Variants in PRMT1 observed in about 807,000 individuals in gnomAD.
PRMT1 encodes the protein protein arginine methyltransferase 1.
In PRMT1, 5 loss-of-function variants were observed where a neutral mutation model predicts 47.4. That is an observed-to-expected ratio of 0.11 (90% CI 0.06 to 0.22). The LOEUF is 0.22. Ranked by LOEUF, PRMT1 falls within the 10% of genes least tolerant of loss-of-function variation. The pLI is 1.00. For synonymous variants in PRMT1, 227 were observed against 204.6 expected (o/e 1.11, Z -0.94); for missense variants, 249 against 518.4 (o/e 0.48, Z 5.05).
chr19:49,677,431 C>T lies in PRMT1; in HGVS notation c.36+115C>T. 4.6e-6 allele frequency: 4 copies of T among 864,752 alleles called. No individual in the cohort carries two copies. In the South Asian group the frequency reaches 1.0e-4, roughly 22 times the overall value. The allele number at this position is 864,752 out of a possible 1,614,324, so 53.6% of individuals were successfully genotyped here. The stretch of plus-strand genomic sequence containing the variant: ...ATATGGGGTTGGAGGTCCCCCGCCG[C>T]ACACGGGGGCGCCGCACGTTCCACA... On this transcript the variant is annotated intron_variant, in intron 1 of 10. Coordinates refer to ENST00000454376, the MANE Select transcript of PRMT1 (RefSeq NM_001536.6).
In PRMT1 at chr19:49,681,747, A is replaced by G. The variant is rs1317180034; in HGVS notation, c.193-163A>G. On this transcript the variant is annotated intron_variant, in intron 3 of 10. Coordinates refer to ENST00000454376, the MANE Select transcript of PRMT1 (RefSeq NM_001536.6). The surrounding 1 kb of genome is among the most constrained non-coding windows in gnomAD (Gnocchi z 4.4). ...AGTGAGATTCCATCTCAAAAAATAA[A>G]ATAAAATAAAAATAAATAAATGAAT... 6.6e-6 allele frequency among the ~76,000 whole-genome samples: 1 copy of G among 152,118 alleles called. No homozygotes were observed. Among genetic ancestry groups the G allele is most frequent in the Non-Finnish European group, 1.5e-5 (1 of 68,028 alleles).
Position 49,680,216 on chromosome 19 carries a change from G to A in PRMT1, c.91-271G>A, listed in dbSNP as rs2082096098. The A allele has an allele frequency of 1.9e-6, 3 of 1,598,276 alleles. No individual in the cohort carries two copies. The East Asian group carries it at 6.8e-5, about 36-fold the overall frequency. On this transcript the variant is annotated intron_variant, in intron 2 of 10. Transcript: ENST00000454376. This position sits in a 1 kb window ranked among gnomAD's most constrained non-coding sequence, Gnocchi z 4.2. Reference sequence around the variant, plus strand: ...CCAGCTGTGGGCTGAGCTAGAGACGGGGTCAGAGAGACTGGAGAGATGGTA... The same window carrying A: ...CCAGCTGTGGGCTGAGCTAGAGACGAGGTCAGAGAGACTGGAGAGATGGTA...
At position 49,684,622 on chromosome 19, in the gene PRMT1, A is replaced by AG; in HGVS notation, c.556-127dup. 1 of 1,060,502 alleles carries AG rather than the reference A, an allele frequency of 9.4e-7. No homozygotes were observed. Among genetic ancestry groups the AG allele is most frequent in the Non-Finnish European group, 1.4e-6 (1 of 730,136 alleles). The allele number at this position is 1,060,502 out of a possible 1,614,324, so 65.7% of individuals were successfully genotyped here. ...CTGGCGGCCGTGTGGGAAATAGACC[A>AG]GGGGGCGAGGGGTGAGTGCCGCTGC... On this transcript the variant is annotated intron_variant, in intron 6 of 10. Transcript: ENST00000454376. This position sits in a 1 kb window ranked among gnomAD's most constrained non-coding sequence, Gnocchi z 6.2.
Position 49,685,204 on chromosome 19 carries a change from T to A in PRMT1, c.759+167T>A. On this transcript the variant is annotated intron_variant, in intron 8 of 10. Coordinates refer to ENST00000454376, the MANE Select transcript of PRMT1 (RefSeq NM_001536.6). This position sits in a 1 kb window ranked among gnomAD's most constrained non-coding sequence, Gnocchi z 4.7. ...GGCCCAGGAAAGACACTTCGTCCTT[T>A]AAATATCTTTGTGAGCGCTGCTGTG... The A allele has an allele frequency of 6.5e-7, 1 of 1,533,124 alleles. No homozygotes were observed. Among genetic ancestry groups the A allele is most frequent in the Non-Finnish European group, 8.7e-7 (1 of 1,144,184 alleles). 95.0% of individuals were successfully genotyped at this position (1,533,124 alleles called of 1,614,324 possible). A position where few individuals can be genotyped will look rare whatever the true frequency, so the allele number is the denominator to read the frequency against.
At chr19:49,679,640 C>T (rs1231363103) in intron 1 of PRMT1, 1 of 696,242 alleles carries the variant, frequency 1.4e-6, no homozygotes, top group East Asian at 2.7e-5. Flanking sequence ...TGGGGGTGGG[C>T]CACCATCTCT....
chr19:49,686,451 C>T (rs1038335520), intron 9 of PRMT1, among the ~76,000 whole-genome samples, 154 bp from the exon 10 acceptor site: 2 of 150,296 alleles, frequency 1.3e-5, no homozygotes, highest in African/African-American at 2.4e-5. Flanking sequence ...AAGGCTGACA[C>T]GGTCCCTGTC....
chr19:49,688,307 T>A lies in PRMT1; in HGVS notation c.*62T>A. The A allele has an allele frequency of 6.6e-7, 1 of 1,511,098 alleles. No homozygotes were observed. The highest frequency in any genetic ancestry group is 9.2e-7 in the Non-Finnish European group (1 of 1,091,894). 93.6% of individuals were successfully genotyped at this position (1,511,098 alleles called of 1,614,324 possible). A position where few individuals can be genotyped will look rare whatever the true frequency, so the allele number is the denominator to read the frequency against. ...GAGCGTTCCTAGGCGGTTTCGGGGCTCCCCCTTCCTCTCCCTCCCTCCCGC... is the reference window on the plus strand; with the variant it reads ...GAGCGTTCCTAGGCGGTTTCGGGGCACCCCCTTCCTCTCCCTCCCTCCCGC... On this transcript the variant is annotated 3_prime_UTR_variant, in exon 11 of 11. Coordinates refer to ENST00000454376, the MANE Select transcript of PRMT1 (RefSeq NM_001536.6). This position sits in a 1 kb window ranked among gnomAD's most constrained non-coding sequence, Gnocchi z 5.3.
Position 49,686,230 on chromosome 19 carries a change from C to T in PRMT1, c.897C>T (p.Thr299=), listed in dbSNP as rs188991153. The T allele has an allele frequency of 8.4e-5, 134 of 1,604,178 alleles. 1 individual carries two copies. The Middle Eastern group carries it at 1.5e-3, about 18-fold the overall frequency. Residue 299 remains threonine, a synonymous_variant, in exon 9 of 11, where the codon ACC becomes ACT. Transcript: ENST00000454376. ...AGTTCACACGCTGCCACAAGAGGAC[C>T]GGCTTCTCCACCAGTGAGGCGGGGC... is the stretch of plus-strand genomic sequence containing the variant. ...NIEFTRCHKR[T]GFSTSPESPY...
intron 4 of PRMT1, 64 bp downstream of exon 4, chr19:49,682,129 C>G (rs1480944794): frequency 1.2e-6 from 2 of 1,613,798 alleles, no homozygotes; most frequent in East Asian, 4.5e-5. Flanking sequence ...CATCAGGGCT[C>G]AGGGATTGGA....
intron 5 of PRMT1, among the ~76,000 whole-genome samples, chr19:49,683,007 C>T (rs1004647346): frequency 5.9e-5 from 9 of 151,726 alleles, no homozygotes; most frequent in Non-Finnish European, 1.0e-4. Context: ...AGGATGGTCT[C>T]GATCTCCTGA....
chr19:49,680,096 G>C lies in PRMT1; in HGVS notation c.90+171G>C, dbSNP rs773486831. On this transcript the variant is annotated intron_variant, in intron 2 of 10. Coordinates refer to ENST00000454376, the MANE Select transcript of PRMT1 (RefSeq NM_001536.6). The surrounding 1 kb of genome is among the most constrained non-coding windows in gnomAD (Gnocchi z 4.2). ...CCCTCCAGGTTCACAGCCCCCGCTG[G>C]CCTCCCCCAGTATCGCCGCTACTTC... 3 of 1,083,996 alleles carry C rather than the reference G, an allele frequency of 2.8e-6. No individual in the cohort carries two copies. The highest frequency in any genetic ancestry group is 4.1e-6 in the Non-Finnish European group (3 of 727,696). The allele number at this position is 1,083,996 out of a possible 1,614,324, so 67.1% of individuals were successfully genotyped here.
rs1183026931 is a variant in PRMT1 at position 49,685,335 on chromosome 19, G to A, written c.759+298G>A. On this transcript the variant is annotated intron_variant, in intron 8 of 10. Coordinates refer to ENST00000454376, the MANE Select transcript of PRMT1 (RefSeq NM_001536.6). This position sits in a 1 kb window ranked among gnomAD's most constrained non-coding sequence, Gnocchi z 4.7. ...AAGGCAGGACCCCAGGGCGATGAGC[G>A]GATGCACATGCACGCGGGCCACTGC... 8 of 1,324,024 alleles carry A rather than the reference G, an allele frequency of 6.0e-6. No homozygotes were observed. Among genetic ancestry groups the A allele is most frequent in the Non-Finnish European group, 7.8e-6 (8 of 1,028,296 alleles). The allele number at this position is 1,324,024 out of a possible 1,614,324, so 82.0% of individuals were successfully genotyped here. A position where few individuals can be genotyped will look rare whatever the true frequency, so the allele number is the denominator to read the frequency against.
intron 5 of PRMT1, 129 bp downstream of exon 5, chr19:49,682,388 G>A (rs2082132234): frequency 3.0e-6 from 3 of 995,930 alleles, no homozygotes; most frequent in Non-Finnish European, 3.0e-6. Context: ...ATGGTCTTTT[G>A]GGCTGCCGGC....
At chr19:49,679,008 T>C (rs894211300) in intron 1 of PRMT1, among the ~76,000 whole-genome samples, 8 of 151,716 alleles carry the variant, frequency 5.3e-5, no homozygotes, top group Non-Finnish European at 1.0e-4. Context: ...TTCAGCCTCC[T>C]GAGTAGCTGG....
chr19:49,678,950 C>G (rs1042618630), intron 1 of PRMT1, among the ~76,000 whole-genome samples: 7 of 146,518 alleles, frequency 4.8e-5, no homozygotes, highest in African/African-American at 1.8e-4. Flanking sequence ...ATGGCTTGAT[C>G]TCGGCTCATT....
chr19:49,680,988 C>T lies in PRMT1; in HGVS notation c.192+400C>T, dbSNP rs1309018193. 6.6e-6 allele frequency among the ~76,000 whole-genome samples: 1 copy of T among 152,252 alleles called. No homozygotes were observed. Among genetic ancestry groups the T allele is most frequent in the Non-Finnish European group, 1.5e-5 (1 of 68,044 alleles). ...CCCAGAACGAAGCTGGGGTGGCATT[C>T]TAAGGAATTTTCTTTTCCCCCTGAG... On this transcript the variant is annotated intron_variant, in intron 3 of 10. Coordinates refer to ENST00000454376, the MANE Select transcript of PRMT1 (RefSeq NM_001536.6). The surrounding 1 kb of genome is among the most constrained non-coding windows in gnomAD (Gnocchi z 4.2).
rs1434783892 is a variant in PRMT1 at position 49,684,956 on chromosome 19, C to T, written c.678C>T (p.Cys226=). 6.2e-7 allele frequency: 1 copy of T among 1,603,004 alleles called. No individual in the cohort carries two copies. Among genetic ancestry groups the T allele is most frequent in the Non-Finnish European group, 8.5e-7 (1 of 1,172,766 alleles). ...ACGTGTATGGCTTCGACATGTCTTG[C>T]ATCAAAGATGTGGCCATTAAGGAGC... ...WENVYGFDMS[C]IKDVAIKEPL... The change falls in exon 8 of 11, where the codon TGC becomes TGT. Residue 226 remains cysteine (C), a synonymous_variant. Transcript: ENST00000454376. The surrounding 1 kb of genome is among the most constrained non-coding windows in gnomAD (Gnocchi z 6.2).
Position 49,681,321 on chromosome 19 carries a change from T to C in PRMT1, c.193-589T>C, listed in dbSNP as rs1007099337. Among the ~76,000 whole-genome samples the C allele has an allele frequency of 4.6e-5, 7 of 151,966 alleles. No homozygotes were observed. Among genetic ancestry groups the C allele is most frequent in the African/African-American group, 1.7e-4 (7 of 41,398 alleles). ...GCTTTGGCCTCCTGAGGTGCTGGGA[T>C]TACAGGCGTGAGCCACCGCTCCCAG... is the stretch of plus-strand genomic sequence containing the variant. On this transcript the variant is annotated intron_variant, in intron 3 of 10. Coordinates refer to ENST00000454376, the MANE Select transcript of PRMT1 (RefSeq NM_001536.6). This position sits in a 1 kb window ranked among gnomAD's most constrained non-coding sequence, Gnocchi z 4.4.
intron 5 of PRMT1, among the ~76,000 whole-genome samples, chr19:49,683,426 C>G (rs907690536): frequency 6.6e-6 from 1 of 151,936 alleles, no homozygotes; most frequent in Admixed American, 6.6e-5. Flanking sequence ...CAGTGGCTCA[C>G]GCCTGTAATC....
Sources: allele counts gnomAD v4.1 joint callset (sites outside exome capture counted in the v4.1 genomes callset), GRCh38; gene constraint gnomAD v4.1.1; non-coding constraint Gnocchi (gnomAD v3.1); transcripts MANE v1.5; gene names NCBI Gene and HGNC (gene_info 2026-07-23, HGNC 2026-07-21).